The following TCP11L2 variants were observed in gnomAD, a reference collection of about 807,000 sequenced individuals.
TCP11L2 encodes the protein t-complex 11 like 2.
Under a neutral mutation model 50.7 loss-of-function variants are expected in TCP11L2, and 39 were observed. The ratio of observed to expected loss-of-function variants is 0.77; its 90% CI spans 0.60 to 1.01. TCP11L2 has a LOEUF of 1.01. TCP11L2 is among the 50% of genes least tolerant of loss of function. The pLI is 0.00. For missense variants in TCP11L2, 612 were observed against 614.7 expected (o/e 1.00, Z 0.05); for synonymous variants, 192 against 219.3 (o/e 0.88, Z 1.10).
chr12:106,335,656 A>T lies in TCP11L2; in HGVS notation c.790A>T (p.Thr264Ser). 6.2e-7 allele frequency: 1 copy of T among 1,614,210 alleles called. No individual in the cohort carries two copies. The highest frequency in any genetic ancestry group is 8.5e-7 in the Non-Finnish European group (1 of 1,180,032). ...ACTCTTAGGTGCTCTTGATCAGACT[A>T]CAGAATGGATAAAAGAATCTGTAAA... is the stretch of plus-strand genomic sequence containing the variant. The part of the protein sequence containing the change: ...EETPSALDQT[T>S]EWIKESVNEE... The change falls in exon 7 of 10, where the codon ACA (threonine) becomes TCA (serine). Residue 264 changes from threonine to serine, a missense_variant. Coordinates refer to ENST00000299045, the MANE Select transcript of TCP11L2 (RefSeq NM_152772.3).
At chr12:106,312,193 T>C (rs1452373669) in intron 2 of TCP11L2, 1 of 389,118 alleles carries the variant, frequency 2.6e-6, no homozygotes, top group Non-Finnish European at 4.9e-6. Flanking sequence ...TGAATACTTA[T>C]TACTTTACCA....
rs774259369 is a variant in TCP11L2 at position 106,346,237 on chromosome 12, T to C, written c.1316-49T>C. The C allele has an allele frequency of 3.9e-6, 6 of 1,537,860 alleles. No homozygotes were observed. The Admixed American group carries it at 8.4e-5, about 22-fold the overall frequency. ...ATTACTTGTTCTTGTTTTTAAAAAT[T>C]ATGTACTTTAATAATGGACAGATAA... is the stretch of plus-strand genomic sequence containing the variant. On this transcript the variant is annotated intron_variant, in intron 9 of 9. Coordinates refer to ENST00000299045, the MANE Select transcript of TCP11L2 (RefSeq NM_152772.3).
At chr12:106,329,468 C>T in intron 6 of TCP11L2, 2 of 1,522,280 alleles carry the variant, frequency 1.3e-6, no homozygotes, top group South Asian at 1.2e-5. Context: ...TAAACGCATG[C>T]TCCTTCTGCT....
Position 106,311,163 on chromosome 12 carries a change from C to T in TCP11L2, c.88C>T (p.Leu30Phe), listed in dbSNP as rs759623187. The T allele has an allele frequency of 6.2e-7, 1 of 1,614,092 alleles. No individual in the cohort carries two copies. Among genetic ancestry groups the T allele is most frequent in the Non-Finnish European group, 8.5e-7 (1 of 1,180,056 alleles). The stretch of plus-strand genomic sequence containing the variant: ...CCGGTTTTCCGAAAGCATGGCTTCG[C>T]TCAGTGACTATGAATGCTCCAGGCA... The part of the protein sequence containing the change: ...SSRFSESMAS[L>F]SDYECSRQSF... Residue 30 changes from leucine (L) to phenylalanine (F), a missense_variant, in exon 2 of 10, where the codon CTC becomes TTC. Physicochemically the swap from Leu to Phe is conservative, Grantham distance 22. Coordinates refer to ENST00000299045, the MANE Select transcript of TCP11L2 (RefSeq NM_152772.3).
At chr12:106,344,865 T>A (rs1350078111) in intron 9 of TCP11L2, among the ~76,000 whole-genome samples, 1 of 152,182 alleles carries the variant, frequency 6.6e-6, no homozygotes, top group African/African-American at 2.4e-5. Flanking sequence ...TGTGTAGTCG[T>A]CTCAAAGTCA....
chr12:106,346,516 C>A lies in TCP11L2; in HGVS notation c.1546C>A (p.Pro516Thr). 1 of 1,612,820 alleles carries A rather than the reference C, an allele frequency of 6.2e-7. No individual in the cohort carries two copies. Among genetic ancestry groups the A allele is most frequent in the South Asian group, 1.1e-5 (1 of 91,036 alleles). Reference protein sequence around the residue: ...EEAMGKVDASPPTN With the variant: ...EEAMGKVDASTPTN ...AGCCATGGGGAAGGTAGATGCTTCA[C>A]CTCCTACTAACTAAAGAAGAACTGA... Residue 516 changes from proline (P) to threonine (T), a missense_variant, in exon 10 of 10, where the codon CCT becomes ACT. Physicochemically the swap from Pro to Thr is conservative, Grantham distance 38. Transcript: ENST00000299045.
intron 1 of TCP11L2, among the ~76,000 whole-genome samples, chr12:106,304,483 CTT>C (rs1284002742): frequency 1.3e-5 from 2 of 152,220 alleles, no homozygotes; most frequent in African/African-American, 4.8e-5. Flanking sequence ...GGATGAATAA[CTT>C]TAGTGCTGCT....
At chr12:106,325,904 A>AC (rs1477958498) in intron 6 of TCP11L2, 2 of 151,444 alleles carry the variant, frequency 1.3e-5, no homozygotes, top group Non-Finnish European at 2.9e-5. Context: ...AAAAAAAAAA[A>AC]AAAAAAAAAC....
intron 6 of TCP11L2, chr12:106,324,492 G>A (rs578214268): frequency 6.6e-6 from 1 of 152,316 alleles, no homozygotes; most frequent in African/African-American, 2.4e-5. Context: ...TCCATGTGCG[G>A]TGGAAACTCA....
chr12:106,306,211 C>A (rs1418755225), intron 1 of TCP11L2, among the ~76,000 whole-genome samples: 2 of 152,210 alleles, frequency 1.3e-5, no homozygotes, highest in East Asian at 3.8e-4. Context: ...AGTTTCAGTT[C>A]AGCCTGTCAT....
At chr12:106,300,491 A>G (rs570442118), upstream of TCP11L2, among the ~76,000 whole-genome samples, 3 of 152,190 alleles carry the variant, frequency 2.0e-5, no homozygotes, top group East Asian at 1.9e-4. Flanking sequence ...CACCACGCCC[A>G]GCTAATTTTT....
At chr12:106,306,071 G>C (rs2034620454) in intron 1 of TCP11L2, among the ~76,000 whole-genome samples, 1 of 152,202 alleles carries the variant, frequency 6.6e-6, no homozygotes, top group South Asian at 2.1e-4. Flanking sequence ...TGTTCAAGAA[G>C]GACATCAGGA....
At chr12:106,305,666 T>C (rs1592922343) in intron 1 of TCP11L2, among the ~76,000 whole-genome samples, 1 of 152,360 alleles carries the variant, frequency 6.6e-6, no homozygotes. Context: ...CTAGCGGTGT[T>C]CTAAGCTCTA....
chr12:106,317,511 G>C (rs903754637), intron 3 of TCP11L2, among the ~76,000 whole-genome samples: 5 of 152,164 alleles, frequency 3.3e-5, no homozygotes, highest in Admixed American at 6.5e-5. Flanking sequence ...GTGAGACTCT[G>C]TCTCAGAAAA....
intron 6 of TCP11L2, chr12:106,324,328 A>C (rs1418261963): frequency 1.3e-5 from 2 of 152,242 alleles, no homozygotes; most frequent in African/African-American, 2.4e-5. Flanking sequence ...AAGGCACTGA[A>C]GCAGAAACTG....
chr12:106,326,624 A>C lies in TCP11L2; in HGVS notation c.772+2978A>C, dbSNP rs373167283. Among the ~76,000 whole-genome samples the C allele has an allele frequency of 7.9e-5, 12 of 152,122 alleles. 1 individual carries two copies. Among genetic ancestry groups the C allele is most frequent in the Admixed American group, 3.9e-4 (6 of 15,274 alleles). ...GAGGTTGGTACTGTTATCACCCCCT[A>C]ATACAACTGAGGAAAGTGAGGTTAA... On this transcript the variant is annotated intron_variant, in intron 6 of 9. Transcript: ENST00000299045.
At chr12:106,317,238 G>A (rs564419288) in intron 3 of TCP11L2, among the ~76,000 whole-genome samples, 23 of 152,324 alleles carry the variant, frequency 1.5e-4, no homozygotes, top group Middle Eastern at 3.4e-3. Context: ...AGTCTTAGCC[G>A]GGCGCAGTGG....
At chr12:106,303,796 C>CTA (rs2034518730) in intron 1 of TCP11L2, 1 of 152,092 alleles carries the variant, frequency 6.6e-6, no homozygotes, top group Non-Finnish European at 1.5e-5. Context: ...AAAATCTAGT[C>CTA]AAGATAGAGA....
At chr12:106,320,110 A>G (rs1202013466) in intron 4 of TCP11L2, among the ~76,000 whole-genome samples, 4 of 152,232 alleles carry the variant, frequency 2.6e-5, no homozygotes, top group Admixed American at 2.6e-4. Context: ...GAGAAAAAAG[A>G]TAGATTCCAG....
Sources: gnomAD v4.1 joint callset for allele counts (sites outside exome capture counted in the v4.1 genomes callset) on GRCh38, gnomAD v4.1.1 for gene constraint, MANE v1.5 for transcripts, NCBI Gene and HGNC (gene_info 2026-07-23, HGNC 2026-07-21) for gene names.